MBNL2: variants seen among roughly 807,000 people sequenced by gnomAD.
The protein encoded by MBNL2 is muscleblind like splicing regulator 2.
In MBNL2, 17 loss-of-function variants were observed where a neutral mutation model predicts 41.9. The ratio of observed to expected loss-of-function variants is 0.41; its 90% CI spans 0.28 to 0.61. MBNL2 has a LOEUF of 0.61. Among genes scored for constraint, MBNL2 ranks in the 20% least tolerant of loss-of-function variants. The pLI is 0.35. For missense variants in MBNL2, 336 were observed against 505.6 expected (o/e 0.66, Z 3.22); for synonymous variants, 195 against 182.9 (o/e 1.07, Z -0.53).
the MBNL2 span, among the ~76,000 whole-genome samples, chr13:97,170,740 C>T: frequency 6.6e-6 from 1 of 152,138 alleles, no homozygotes; most frequent in African/African-American, 2.4e-5. Context: ...TCAGGTTCTA[C>T]AATAGTGATG....
At chr13:97,195,512 A>G in the MBNL2 span, among the ~76,000 whole-genome samples, 1 of 152,236 alleles carries the variant, frequency 6.6e-6, no homozygotes, top group South Asian at 2.1e-4. Context: ...AAAAATGAAT[A>G]AATATGCTTG....
chr13:97,375,546 A>G (rs2064883905), intron 8 of MBNL2, among the ~76,000 whole-genome samples: 1 of 152,184 alleles, frequency 6.6e-6, no homozygotes, highest in South Asian at 2.1e-4. Flanking sequence ...TAGGGCAAAG[A>G]GAAAAGGGAA....
Position 97,230,992 on chromosome 13 carries a change from A to G in MBNL2, c.-605+8461A>G, listed in dbSNP as rs751919935. On this transcript the variant is annotated intron_variant, in intron 1 of 8. Coordinates refer to ENST00000679496, the MANE Select transcript of MBNL2 (RefSeq NM_001382683.1). ...AATAATTATCAATACTTCTGCATCC[A>G]TCTCTCAAAATGTATATATTTTGGG... 4.6e-5 allele frequency among the ~76,000 whole-genome samples: 7 copies of G among 152,218 alleles called. No individual in the cohort carries two copies. In the East Asian group the frequency reaches 9.6e-4, roughly 21 times the overall value.
At chr13:97,270,488 A>G (rs567587677) in intron 1 of MBNL2, among the ~76,000 whole-genome samples, 1 of 152,232 alleles carries the variant, frequency 6.6e-6, no homozygotes, top group Non-Finnish European at 1.5e-5. Flanking sequence ...TAAAATTAAA[A>G]AAGTAAATTT....
At chr13:97,298,320 C>T (rs2057279009) in intron 2 of MBNL2, among the ~76,000 whole-genome samples, 1 of 152,182 alleles carries the variant, frequency 6.6e-6, no homozygotes, top group African/African-American at 2.4e-5. Context: ...TTCTTGAATA[C>T]ATGAATAAAT....
At chr13:97,317,208 A>T (rs74106909) in intron 2 of MBNL2, among the ~76,000 whole-genome samples, 2 of 152,202 alleles carry the variant, frequency 1.3e-5, no homozygotes, top group African/African-American at 4.8e-5. Flanking sequence ...GTGTGGTCCT[A>T]TAAGTGTCAC....
chr13:97,194,704 A>G, the MBNL2 span, among the ~76,000 whole-genome samples: 2 of 152,206 alleles, frequency 1.3e-5, no homozygotes, highest in Non-Finnish European at 2.9e-5. Flanking sequence ...GCCAAAACCC[A>G]ACAAACTCAA....
chr13:97,330,197 G>A (rs1355715668), intron 2 of MBNL2, among the ~76,000 whole-genome samples: 3 of 152,172 alleles, frequency 2.0e-5, no homozygotes, highest in Admixed American at 2.0e-4. Context: ...GGAAGTATAT[G>A]ACCACCTGCT....
chr13:97,236,346 A>G (rs2043268447), intron 1 of MBNL2, among the ~76,000 whole-genome samples: 1 of 151,954 alleles, frequency 6.6e-6, no homozygotes, highest in African/African-American at 2.4e-5. Flanking sequence ...ACAGCCAGCT[A>G]GGTAGTCCTA....
the MBNL2 span, among the ~76,000 whole-genome samples, chr13:97,210,524 T>G: frequency 2.7e-5 from 4 of 149,730 alleles, no homozygotes; most frequent in Non-Finnish European, 5.9e-5. Flanking sequence ...TATACAAATT[T>G]TATAACTATA....
At chr13:97,155,666 G>C in the MBNL2 span, among the ~76,000 whole-genome samples, 1 of 151,086 alleles carries the variant, frequency 6.6e-6, no homozygotes, top group Non-Finnish European at 1.5e-5. Flanking sequence ...TTGTTCTTGC[G>C]ATAGTTTACT....
intron 2 of MBNL2, among the ~76,000 whole-genome samples, chr13:97,311,981 C>G (rs1465813484): frequency 6.6e-6 from 1 of 152,138 alleles, no homozygotes; most frequent in Non-Finnish European, 1.5e-5. Context: ...AGCTTCTACT[C>G]TTGGTGTTAA....
At chr13:97,336,804 C>T (rs144420966) in intron 3 of MBNL2, among the ~76,000 whole-genome samples, 12 of 152,206 alleles carry the variant, frequency 7.9e-5, no homozygotes, top group African/African-American at 1.2e-4. Context: ...CAGCAGTTAC[C>T]GGAAACTAAT....
chr13:97,197,026 T>A, the MBNL2 span, among the ~76,000 whole-genome samples: 2 of 152,062 alleles, frequency 1.3e-5, no homozygotes, highest in Non-Finnish European at 2.9e-5. Context: ...TTGCTTTCAG[T>A]GATACTGCAA....
chr13:97,215,182 C>T, the MBNL2 span, among the ~76,000 whole-genome samples: 1 of 151,050 alleles, frequency 6.6e-6, no homozygotes, highest in South Asian at 2.1e-4. Flanking sequence ...GCCCTTAGGC[C>T]TGGGTCAGGA....
At position 97,366,398 on chromosome 13, in the gene MBNL2, C is replaced by T. The variant is rs957077631; in HGVS notation, c.1048+1227C>T. Reference sequence around the variant, plus strand: ...TGATATTCACCATGCCAAAATACCACTTCTATTACCATAATGCTACACCCT... The same window carrying T: ...TGATATTCACCATGCCAAAATACCATTTCTATTACCATAATGCTACACCCT... On this transcript the variant is annotated intron_variant, in intron 8 of 8. Transcript: ENST00000679496. This position sits in a 1 kb window ranked among gnomAD's most constrained non-coding sequence, Gnocchi z 4.7. 2.5e-6 allele frequency: 2 copies of T among 813,288 alleles called. No individual in the cohort carries two copies. Among genetic ancestry groups the T allele is most frequent in the Non-Finnish European group, 4.2e-6 (2 of 472,928 alleles). The allele number at this position is 813,288 out of a possible 1,614,324, so 50.4% of individuals were successfully genotyped here. A position where few individuals can be genotyped will look rare whatever the true frequency, so the allele number is the denominator to read the frequency against.
intron 2 of MBNL2, among the ~76,000 whole-genome samples, chr13:97,295,813 T>A (rs191544408): frequency 1.1e-3 from 162 of 152,280 alleles, no homozygotes; most frequent in African/African-American, 3.5e-3. Flanking sequence ...CTCTTCAACA[T>A]TGAAATCCTG....
At chr13:97,149,621 T>C in the MBNL2 span, among the ~76,000 whole-genome samples, 2 of 152,116 alleles carry the variant, frequency 1.3e-5, no homozygotes, top group Non-Finnish European at 2.9e-5. Flanking sequence ...GTAGTTCTTA[T>C]TATTACCTCC....
chr13:97,359,612 A>G (rs17190203), intron 7 of MBNL2, among the ~76,000 whole-genome samples: 34,062 of 152,206 alleles, frequency 0.22, 4,452 homozygotes, highest in Non-Finnish European at 0.3. Context: ...TGAAGGACCC[A>G]TACGGCTACA....
Sources: gnomAD v4.1 joint callset for allele counts (sites outside exome capture counted in the v4.1 genomes callset) on GRCh38, gnomAD v4.1.1 for gene constraint, Gnocchi (gnomAD v3.1) non-coding constraint, MANE v1.5 for transcripts, NCBI Gene and HGNC (gene_info 2026-07-23, HGNC 2026-07-21) for gene names.